PDS5B: variants seen among roughly 807,000 people sequenced by gnomAD.
PDS5B encodes the protein PDS5 cohesin associated factor B.
Under a neutral mutation model 184.1 loss-of-function variants are expected in PDS5B, and 51 were observed. The ratio of observed to expected loss-of-function variants is 0.28; its 90% CI spans 0.22 to 0.35. The LOEUF (loss-of-function observed/expected upper bound fraction) is 0.35, where lower values mean the gene tolerates loss of function less well. Ranked by LOEUF, PDS5B falls within the 10% of genes least tolerant of loss-of-function variation. The pLI is 1.00. For synonymous variants in PDS5B, 566 were observed against 569.2 expected, an observed-to-expected ratio of 0.99 and a Z score of 0.08; for missense variants, 1,180 against 1,723.3, an observed-to-expected ratio of 0.68 and a Z score of 5.58.
At chr13:32,608,704 A>T (rs775926096) in intron 1 of PDS5B, among the ~76,000 whole-genome samples, 13 of 152,144 alleles carry the variant, frequency 8.5e-5, no homozygotes, top group Admixed American at 5.2e-4. Flanking sequence ...AACTTTGATG[A>T]TGTGGGCAGT....
intron 1 of PDS5B, among the ~76,000 whole-genome samples, chr13:32,641,887 C>T (rs1950102405): frequency 6.6e-6 from 1 of 152,220 alleles, no homozygotes; most frequent in Non-Finnish European, 1.5e-5. Context: ...CTTAATCTCT[C>T]TCTCTGGGTT....
intron 30 of PDS5B, 137 bp downstream of exon 30, chr13:32,760,857 G>T: frequency 1.2e-6 from 1 of 804,274 alleles, no homozygotes; most frequent in South Asian, 1.9e-5. Flanking sequence ...TTTAACATTG[G>T]TAGTCACAAG....
chr13:32,756,507 A>G (rs1160120405), intron 26 of PDS5B, among the ~76,000 whole-genome samples: 3 of 152,224 alleles, frequency 2.0e-5, no homozygotes, highest in Non-Finnish European at 4.4e-5. Context: ...AAAACACTGT[A>G]CATGCCTGGG....
intron 19 of PDS5B, among the ~76,000 whole-genome samples, chr13:32,723,260 A>G (rs1000681301): frequency 6.6e-6 from 1 of 152,240 alleles, no homozygotes; most frequent in Non-Finnish European, 1.5e-5. Flanking sequence ...TAATGTCTGT[A>G]TAATAATATG....
intron 22 of PDS5B, 57 bp from the exon 23 acceptor site, chr13:32,742,534 A>C: frequency 1.4e-6 from 2 of 1,430,418 alleles, no homozygotes; most frequent in Non-Finnish European, 1.9e-6. Context: ...AAAAGTTGAT[A>C]CAGAAATTCT....
At chr13:32,695,121 ACAC>A (rs2140851335) in intron 14 of PDS5B, among the ~76,000 whole-genome samples, 1 of 151,918 alleles carries the variant, frequency 6.6e-6, no homozygotes, top group South Asian at 2.1e-4. Context: ...CAAAAAACTC[ACAC>A]CATTTGAGTG....
chr13:32,588,675 C>T (rs1178450689), intron 1 of PDS5B, among the ~76,000 whole-genome samples: 1 of 152,138 alleles, frequency 6.6e-6, no homozygotes, highest in Non-Finnish European at 1.5e-5. Flanking sequence ...TCCCCTCTCC[C>T]CATATTAGAG....
At chr13:32,738,132 G>A (rs1195249078) in intron 21 of PDS5B, among the ~76,000 whole-genome samples, 1 of 152,052 alleles carries the variant, frequency 6.6e-6, no homozygotes, top group Non-Finnish European at 1.5e-5. Flanking sequence ...AGTAGATTGT[G>A]GAATATTTCC....
chr13:32,679,584 T>C (rs1254619007), intron 10 of PDS5B, among the ~76,000 whole-genome samples: 1 of 151,824 alleles, frequency 6.6e-6, no homozygotes, highest in Non-Finnish European at 1.5e-5. Context: ...TGCAGTGAGC[T>C]GAGATTGTGC....
intron 1 of PDS5B, among the ~76,000 whole-genome samples, chr13:32,634,204 C>CT (rs1174580753): frequency 6.6e-6 from 1 of 151,980 alleles, no homozygotes; most frequent in African/African-American, 2.4e-5. Context: ...CTTTAAATTT[C>CT]TTAGAAAAGA....
intron 11 of PDS5B, among the ~76,000 whole-genome samples, chr13:32,684,413 G>A (rs1437076849): frequency 1.3e-5 from 2 of 152,140 alleles, no homozygotes; most frequent in Non-Finnish European, 2.9e-5. Flanking sequence ...TTGTCTAGCT[G>A]GTTGTATTAT....
In PDS5B at chr13:32,725,491, A is replaced by G. The variant is rs147749823; in HGVS notation, c.2124-6610A>G. Among the ~76,000 whole-genome samples, 1,275 of 152,200 alleles carry G rather than the reference A, an allele frequency of 8.4e-3. 18 individuals are homozygous for G. The highest frequency in any genetic ancestry group is 0.029 in the African/African-American group (1,204 of 41,508). Reference sequence around the variant, plus strand: ...TCTGCCCCAGACCTGGAATTGGCCAATTCTCCGAGGGGCTCTGGTTCCTTT... The same window carrying G: ...TCTGCCCCAGACCTGGAATTGGCCAGTTCTCCGAGGGGCTCTGGTTCCTTT... On this transcript the variant is annotated intron_variant, in intron 19 of 34. Transcript: ENST00000315596.
rs1322212445 is a variant in PDS5B at position 32,770,264 on chromosome 13, T to C, written c.3768T>C (p.Ala1256=). The C allele has an allele frequency of 2.5e-6, 4 of 1,613,780 alleles. No individual in the cohort carries two copies. Among genetic ancestry groups the C allele is most frequent in the Non-Finnish European group, 3.4e-6 (4 of 1,179,974 alleles). ...GAAGTCGGAAAAGAGGCCATACGGC[T>C]TCAGAATCTGATGAACAGCAGTGGC... The part of the protein sequence containing the change: ...SQRSRKRGHT[A]SESDEQQWPE... Residue 1256 remains alanine (A), a synonymous_variant, in exon 32 of 35, where the codon GCT becomes GCC. Coordinates refer to ENST00000315596, the MANE Select transcript of PDS5B (RefSeq NM_015032.4).
chr13:32,720,349 G>C (rs1025811907), intron 19 of PDS5B, among the ~76,000 whole-genome samples: 5 of 151,808 alleles, frequency 3.3e-5, no homozygotes, highest in Middle Eastern at 3.2e-3. Flanking sequence ...TTGGTAACGT[G>C]GTAATATATG....
In PDS5B at chr13:32,777,513, CATTA is replaced by C. The variant is rs1954991042; in HGVS notation, c.*2465_*2468del. On this transcript the variant is annotated 3_prime_UTR_variant, in exon 35 of 35. Coordinates refer to ENST00000315596, the MANE Select transcript of PDS5B (RefSeq NM_015032.4). ...ACAGTAAAATTAAGTGTGTATAAAA[CATTA>C]ATTGCTAACAATTGTTAGCAAACTA... The C allele has an allele frequency of 6.6e-6, 1 of 152,136 alleles. No individual in the cohort carries two copies. Among genetic ancestry groups the C allele is most frequent in the African/African-American group, 2.4e-5 (1 of 41,370 alleles). 9.4% of individuals were successfully genotyped at this position (152,136 alleles called of 1,614,324 possible). A position where few individuals can be genotyped will look rare whatever the true frequency, so the allele number is the denominator to read the frequency against.
intron 18 of PDS5B, among the ~76,000 whole-genome samples, chr13:32,708,354 G>C (rs1332514129): frequency 6.6e-6 from 1 of 152,134 alleles, no homozygotes; most frequent in Non-Finnish European, 1.5e-5. Flanking sequence ...TCCTTTCTCT[G>C]TATCACTAGT....
At chr13:32,734,389 C>T (rs1953243569) in intron 20 of PDS5B, among the ~76,000 whole-genome samples, 1 of 152,130 alleles carries the variant, frequency 6.6e-6, no homozygotes, top group African/African-American at 2.4e-5. Flanking sequence ...CTTGTTCATT[C>T]TTTTATCATG....
chr13:32,755,805 TG>T lies in PDS5B; in HGVS notation c.2942-36del, dbSNP rs774267216. On this transcript the variant is annotated intron_variant, in intron 25 of 34. Transcript: ENST00000315596. ...TTGTTTTGTTTTTTGCTTTTTCTTT[TG>T]TTTTTTTTTGTTTGTTTGTTTGTTT... is the stretch of plus-strand genomic sequence containing the variant. 12 of 1,032,064 alleles carry T rather than the reference TG, an allele frequency of 1.2e-5. No homozygotes were observed. In the East Asian group the frequency reaches 2.0e-4, roughly 17 times the overall value. 63.9% of individuals were successfully genotyped at this position (1,032,064 alleles called of 1,614,324 possible). A position where few individuals can be genotyped will look rare whatever the true frequency, so the allele number is the denominator to read the frequency against.
rs1021540053 is a variant in PDS5B, at chr13:32,770,603, A to C, written c.4064+43A>C. ...TAAACTGCATCTGTTTCGTTACTATATTATAAATCATAATTTGATGCTATC... is the reference window on the plus strand; with the variant it reads ...TAAACTGCATCTGTTTCGTTACTATCTTATAAATCATAATTTGATGCTATC... On this transcript the variant is annotated intron_variant, in intron 32 of 34. Transcript: ENST00000315596. The C allele has an allele frequency of 2.5e-6, 4 of 1,601,830 alleles. No individual in the cohort carries two copies. The South Asian group carries it at 4.5e-5, about 18-fold the overall frequency.
Sources: gnomAD v4.1 joint callset for allele counts (sites outside exome capture counted in the v4.1 genomes callset) on GRCh38, gnomAD v4.1.1 for gene constraint, MANE v1.5 for transcripts, NCBI Gene and HGNC (gene_info 2026-07-23, HGNC 2026-07-21) for gene names.